Variants in GSE1 observed in about 807,000 individuals in gnomAD.
GSE1 encodes Gse1 coiled-coil protein, also known as genetic suppressor element 1.
Under a neutral mutation model 112.6 loss-of-function variants are expected in GSE1, and 32 were observed. The observed-to-expected ratio is 0.28, with a 90% CI of 0.21 to 0.38. GSE1 has a LOEUF of 0.38. GSE1 is among the 10% of genes least tolerant of loss of function. The pLI, the probability that GSE1 is intolerant of heterozygous loss-of-function variation, is 1.00. For missense variants in GSE1, 2,348 were observed against 1,699.2 expected (o/e 1.38, Z -6.71); for synonymous variants, 1,115 against 735.6 (o/e 1.52, Z -8.35).
intron 1 of GSE1, among the ~76,000 whole-genome samples, chr16:85,211,212 T>G (rs1298798026): frequency 1.3e-5 from 2 of 151,970 alleles, no homozygotes; most frequent in East Asian, 3.9e-4. Flanking sequence ...TCTAGGGGGG[T>G]ACCCAGCCCC....
chr16:85,626,484 A>G (rs2049079049), intron 1 of GSE1, among the ~76,000 whole-genome samples: 1 of 152,174 alleles, frequency 6.6e-6, no homozygotes, highest in African/African-American at 2.4e-5. Flanking sequence ...GTTCACAAAC[A>G]TTTCTTTCTG....
intron 2 of GSE1, among the ~76,000 whole-genome samples, chr16:85,645,548 T>A (rs1457007239): frequency 6.6e-6 from 1 of 151,336 alleles, no homozygotes; most frequent in African/African-American, 2.5e-5. Flanking sequence ...AAAGTTCTGT[T>A]TCCACATCGG....
At chr16:85,447,520 C>T (rs1020907843) in intron 2 of GSE1, among the ~76,000 whole-genome samples, 7 of 152,236 alleles carry the variant, frequency 4.6e-5, no homozygotes, top group African/African-American at 1.7e-4. Flanking sequence ...GGAGCTGGCT[C>T]ACGCAGGTGC....
rs2053504640 is a variant in GSE1 at position 85,673,492 on chromosome 16, A to AC, written c.*953_*954insC. 1.3e-5 allele frequency: 2 copies of AC among 152,372 alleles called. No individual in the cohort carries two copies. The highest frequency in any genetic ancestry group is 1.3e-4 in the Admixed American group (2 of 15,272). 9.4% of individuals were successfully genotyped at this position (152,372 alleles called of 1,614,324 possible). A position where few individuals can be genotyped will look rare whatever the true frequency, so the allele number is the denominator to read the frequency against. ...TTTTTTTTGGGCAAAAAAAAAAAAA[A>AC]AACCTTGCTTTTAGTGTTTGTACTG... is the stretch of plus-strand genomic sequence containing the variant. On this transcript the variant is annotated 3_prime_UTR_variant, in exon 16 of 16. Transcript: ENST00000253458.
At chr16:85,534,208 A>G (rs1428300184) in intron 2 of GSE1, among the ~76,000 whole-genome samples, 1 of 146,298 alleles carries the variant, frequency 6.8e-6, no homozygotes, top group Non-Finnish European at 1.5e-5. Context: ...TGCAACCTCC[A>G]CCTCCCAGGC....
At chr16:85,478,911 CTTTCTTTCTTTCTT>C (rs2050572116) in intron 2 of GSE1, among the ~76,000 whole-genome samples, 1 of 58,676 alleles carries the variant, frequency 1.7e-5, no homozygotes, top group African/African-American at 8.9e-5. Flanking sequence ...TTCTTTCTTT[CTTTCTTTCTTTCTT>C]TCTCTTTCTT....
At chr16:85,383,750 C>T (rs2047621356) in intron 2 of GSE1, among the ~76,000 whole-genome samples, 1 of 152,108 alleles carries the variant, frequency 6.6e-6, no homozygotes, top group South Asian at 2.1e-4. Context: ...GGTGGCTGAC[C>T]CTGGCAGGGT....
intron 1 of GSE1, among the ~76,000 whole-genome samples, chr16:85,264,135 G>T (rs1172115740): frequency 6.6e-6 from 1 of 152,166 alleles, no homozygotes; most frequent in Non-Finnish European, 1.5e-5. Context: ...AGGGATTATG[G>T]GGCACAACCT....
At chr16:85,230,982 TGGATA>T (rs1432855457) in intron 1 of GSE1, among the ~76,000 whole-genome samples, 1 of 149,204 alleles carries the variant, frequency 6.7e-6, no homozygotes, top group Non-Finnish European at 1.5e-5. Flanking sequence ...GACGGACGGA[TGGATA>T]GAAGGACAGA....
chr16:85,230,986 TAGA>T (rs1260055954), intron 1 of GSE1, among the ~76,000 whole-genome samples: 2 of 150,168 alleles, frequency 1.3e-5, no homozygotes, highest in Admixed American at 1.3e-4. Flanking sequence ...GACGGATGGA[TAGA>T]AGGACAGATG....
chr16:85,623,379 C>A (rs377118467), intron 1 of GSE1, among the ~76,000 whole-genome samples: 3 of 152,106 alleles, frequency 2.0e-5, no homozygotes, highest in African/African-American at 7.2e-5. Flanking sequence ...GTTCACTGAC[C>A]CTCTTGTCCA....
chr16:85,555,854 C>T, upstream of GSE1: 4 of 919,954 alleles, frequency 4.3e-6, no homozygotes, highest in Non-Finnish European at 5.2e-6. Context: ...TGAGTAATCC[C>T]TGAAGATCTT....
upstream of GSE1, among the ~76,000 whole-genome samples, chr16:85,612,177 C>T (rs550481742): frequency 1.2e-3 from 183 of 151,766 alleles, 1 homozygote; most frequent in African/African-American, 4.2e-3. Flanking sequence ...CTCGCCGACC[C>T]CTGCCCCCGA....
intron 1 of GSE1, among the ~76,000 whole-genome samples, chr16:85,290,052 G>A (rs1254112841): frequency 3.3e-5 from 5 of 152,176 alleles, no homozygotes; most frequent in South Asian, 2.1e-4. Context: ...AGAACCCAGC[G>A]GGGAAGTGAG....
intron 1 of GSE1, among the ~76,000 whole-genome samples, chr16:85,217,921 A>G (rs953392966): frequency 6.6e-6 from 1 of 151,912 alleles, no homozygotes; most frequent in Non-Finnish European, 1.5e-5. Context: ...ATATTTTTTG[A>G]AACAGAGTCT....
chr16:85,640,844 C>T (rs986717159), intron 2 of GSE1, among the ~76,000 whole-genome samples: 4 of 152,270 alleles, frequency 2.6e-5, no homozygotes, highest in African/African-American at 9.6e-5. Flanking sequence ...CGTCTGTCTC[C>T]CGCGCAGGTG....
chr16:85,453,028 G>A (rs922925120), intron 2 of GSE1, among the ~76,000 whole-genome samples: 4 of 152,214 alleles, frequency 2.6e-5, no homozygotes, highest in Non-Finnish European at 2.9e-5. Flanking sequence ...CGACGCTGCC[G>A]GTCCAGGGCG....
upstream of GSE1, chr16:85,611,506 G>A (rs547989370): frequency 6.8e-5 from 67 of 983,852 alleles, no homozygotes; most frequent in African/African-American, 1.0e-3. Flanking sequence ...CCCCCGCGCC[G>A]TGCCAGGGCC....
intron 2 of GSE1, among the ~76,000 whole-genome samples, chr16:85,363,127 G>A (rs773124431): frequency 1.3e-5 from 2 of 152,130 alleles, no homozygotes; most frequent in African/African-American, 4.8e-5. Flanking sequence ...GTGAGCCACC[G>A]CACCCGCTGG....
Sources: allele counts gnomAD v4.1 joint callset (sites outside exome capture counted in the v4.1 genomes callset), GRCh38; gene constraint gnomAD v4.1.1; transcripts MANE v1.5; gene names NCBI Gene and HGNC (gene_info 2026-07-23, HGNC 2026-07-21).